Variants in LCORL observed in about 807,000 individuals in gnomAD.
The protein encoded by LCORL is ligand dependent nuclear receptor corepressor like, also known as ligand-dependent nuclear receptor corepressor-like protein.
In LCORL, 41 loss-of-function variants were observed where a neutral mutation model predicts 141.8. That is an observed-to-expected ratio of 0.29 (90% confidence interval 0.23 to 0.38). The LOEUF is 0.38. Ranked by LOEUF, LCORL falls within the 10% of genes least tolerant of loss-of-function variation. LCORL has a pLI of 1.00. For synonymous variants in LCORL, 618 were observed against 694.1 expected, an observed-to-expected ratio of 0.89 and a Z score of 1.72; for missense variants, 1,759 against 2,035.0, an observed-to-expected ratio of 0.86 and a Z score of 2.61.
intron 4 of LCORL, among the ~76,000 whole-genome samples, chr4:17,939,433 T>C (rs1355708495): frequency 6.6e-6 from 1 of 152,176 alleles, no homozygotes; most frequent in African/African-American, 2.4e-5. Flanking sequence ...AAATATACAT[T>C]GATCCCATAA....
At chr4:17,842,344 C>T (rs1035807165) in exon 8 of LCORL, 4 of 1,612,178 alleles carry the variant, frequency 2.5e-6, no homozygotes, top group Non-Finnish European at 3.4e-6. Flanking sequence ...CTAGGACGAA[C>T]AGGAGGTGTC....
At chr4:18,004,029 C>T (rs534070512) in intron 1 of LCORL, among the ~76,000 whole-genome samples, 2 of 152,170 alleles carry the variant, frequency 1.3e-5, no homozygotes, top group Admixed American at 1.3e-4. Context: ...AGCAGAAACA[C>T]AAGAGCTTTT....
At chr4:17,871,349 G>C (rs1003482571) in intron 7 of LCORL, among the ~76,000 whole-genome samples, 2 of 151,736 alleles carry the variant, frequency 1.3e-5, no homozygotes, top group African/African-American at 2.4e-5. Flanking sequence ...AAATGAGAAA[G>C]ATCAAAAACA....
intron 4 of LCORL, among the ~76,000 whole-genome samples, chr4:17,948,613 A>G (rs1362095804): frequency 6.6e-6 from 1 of 152,024 alleles, no homozygotes; most frequent in Non-Finnish European, 1.5e-5. Flanking sequence ...CAGATTTTCT[A>G]TCACTATGAT....
chr4:17,953,838 A>G (rs1244308823), intron 4 of LCORL, among the ~76,000 whole-genome samples: 1 of 152,180 alleles, frequency 6.6e-6, no homozygotes, highest in Non-Finnish European at 1.5e-5. Context: ...GCAGATAAAC[A>G]GATTTTAAGA....
intron 4 of LCORL, among the ~76,000 whole-genome samples, chr4:17,934,195 A>G (rs1174939366): frequency 6.6e-6 from 1 of 152,098 alleles, no homozygotes; most frequent in Non-Finnish European, 1.5e-5. Flanking sequence ...AACATACACA[A>G]ACTGATTCTG....
chr4:17,914,921 T>G (rs1733151983), intron 4 of LCORL, among the ~76,000 whole-genome samples: 1 of 152,214 alleles, frequency 6.6e-6, no homozygotes, highest in Non-Finnish European at 1.5e-5. Context: ...CCTCTTAGCC[T>G]CCATGTTGTA....
Position 18,021,736 on chromosome 4 carries a change from C to G in LCORL, c.16G>C (p.Glu6Gln), listed in dbSNP as rs1356046767. 1 of 1,522,870 alleles carries G rather than the reference C, an allele frequency of 6.6e-7. No homozygotes were observed. Among genetic ancestry groups the G allele is most frequent in the African/African-American group, 1.4e-5 (1 of 70,946 alleles). The allele number at this position is 1,522,870 out of a possible 1,614,324, so 94.3% of individuals were successfully genotyped here. The change falls in exon 1 of 8, where the codon GAG (glutamate) becomes CAG (glutamine). Residue 6 changes from glutamate to glutamine, a missense_variant. Transcript: ENST00000635767. The surrounding 1 kb of genome is among the most constrained non-coding windows in gnomAD (Gnocchi z 5.5). Reference sequence around the variant, plus strand: ...GCGGCGGCGGCAGCGGCCATTCTCTCTCTTCCCTTGTCCATCTGCGTCCCG... The same window carrying G: ...GCGGCGGCGGCAGCGGCCATTCTCTGTCTTCCCTTGTCCATCTGCGTCCCG...
intron 1 of LCORL, among the ~76,000 whole-genome samples, chr4:17,982,785 A>T (rs542286960): frequency 3.9e-5 from 6 of 151,996 alleles, no homozygotes; most frequent in Non-Finnish European, 7.4e-5. Context: ...CCCATTTGCC[A>T]ATTTTTGTTT....
chr4:17,964,856 T>A (rs1283538446), intron 2 of LCORL, among the ~76,000 whole-genome samples: 1 of 145,922 alleles, frequency 6.9e-6, no homozygotes, highest in Non-Finnish European at 1.5e-5. Flanking sequence ...GTCAAGGAAA[T>A]CTTACTGCCC....
At chr4:17,883,602 T>G in intron 6 of LCORL, 1 of 1,368,840 alleles carries the variant, frequency 7.3e-7, no homozygotes, top group South Asian at 2.1e-5. Context: ...CCTGTCAGAG[T>G]GAGCATTTGT....
intron 5 of LCORL, among the ~76,000 whole-genome samples, chr4:17,886,753 G>T (rs1349693405): frequency 6.6e-6 from 1 of 151,858 alleles, no homozygotes; most frequent in Non-Finnish European, 1.5e-5. Flanking sequence ...TACGACTAAA[G>T]ACATAATTTA....
chr4:17,865,993 T>C (rs1205987247), intron 7 of LCORL, among the ~76,000 whole-genome samples: 1 of 152,212 alleles, frequency 6.6e-6, no homozygotes, highest in Non-Finnish European at 1.5e-5. Flanking sequence ...CTAAGTGCAA[T>C]GGGGAGCCAC....
At chr4:17,952,577 G>C (rs538026431) in intron 4 of LCORL, among the ~76,000 whole-genome samples, 3 of 151,890 alleles carry the variant, frequency 2.0e-5, no homozygotes, top group Non-Finnish European at 4.4e-5. Flanking sequence ...CACCACGCCC[G>C]GCTAATTTTT....
rs189578249 is a variant in LCORL at position 17,888,166 on chromosome 4, A to T, written c.683-2005T>A. ...CCTGCTGCTTAGAATAGTGCCTGGC[A>T]TACAATAAGTATTCAATAAATGTTT... On this transcript the variant is annotated intron_variant, in intron 5 of 7. Transcript: ENST00000635767. Among the ~76,000 whole-genome samples the T allele has an allele frequency of 5.3e-5, 8 of 152,238 alleles. No homozygotes were observed. The East Asian group carries it at 1.4e-3, about 26-fold the overall frequency.
chr4:18,015,451 A>G (rs1724488082), intron 1 of LCORL, among the ~76,000 whole-genome samples: 1 of 152,222 alleles, frequency 6.6e-6, no homozygotes. Flanking sequence ...ATTTGCATGC[A>G]AAATTCATCA....
intron 4 of LCORL, among the ~76,000 whole-genome samples, chr4:17,942,136 A>G (rs1738075600): frequency 6.6e-6 from 1 of 152,214 alleles, no homozygotes; most frequent in Non-Finnish European, 1.5e-5. Context: ...ATTCTTATGA[A>G]CAAATGTAAA....
chr4:17,982,143 T>TGTGTGTGTGTGC (rs1718113547), intron 1 of LCORL, among the ~76,000 whole-genome samples: 1 of 144,626 alleles, frequency 6.9e-6, no homozygotes, highest in Non-Finnish European at 1.5e-5. Context: ...TGTGTGTGTG[T>TGTGTGTGTGTGC]GTATACAAGA....
chr4:17,985,745 C>T (rs1353473327), intron 1 of LCORL, among the ~76,000 whole-genome samples: 1 of 152,120 alleles, frequency 6.6e-6, no homozygotes, highest in Non-Finnish European at 1.5e-5. Context: ...TCAAATAGTG[C>T]ATTTTACCCA....
Sources: allele counts gnomAD v4.1 joint callset (sites outside exome capture counted in the v4.1 genomes callset), GRCh38; gene constraint gnomAD v4.1.1; non-coding constraint Gnocchi (gnomAD v3.1); transcripts MANE v1.5; gene names NCBI Gene and HGNC (gene_info 2026-07-23, HGNC 2026-07-21).